Variants in EPN2 observed in about 807,000 individuals in gnomAD.
EPN2 encodes epsin 2.
In EPN2, 34 loss-of-function variants were observed where a neutral mutation model predicts 61.7. That is an observed-to-expected ratio of 0.55 (90% CI 0.42 to 0.73). EPN2 has a LOEUF of 0.73. Ranked by LOEUF, EPN2 falls within the 30% of genes least tolerant of loss-of-function variation. EPN2 has a pLI of 0.00. For missense variants in EPN2, 714 were observed against 839.2 expected (o/e 0.85, Z 1.84); for synonymous variants, 349 against 353.6 (o/e 0.99, Z 0.15).
intron 7 of EPN2, among the ~76,000 whole-genome samples, chr17:19,320,940 A>C (rs1598021089): frequency 6.6e-6 from 1 of 151,960 alleles, no homozygotes; most frequent in Admixed American, 6.5e-5. Context: ...GATGGAGCAC[A>C]CCCTCTGTGT....
At chr17:19,264,692 A>G (rs1382701355) in intron 1 of EPN2, among the ~76,000 whole-genome samples, 2 of 152,072 alleles carry the variant, frequency 1.3e-5, no homozygotes, top group African/African-American at 4.8e-5. Context: ...GGGTGTAGAG[A>G]GGATCAGAGA....
Position 19,313,295 on chromosome 17 carries a change from C to T in EPN2, c.1147+16C>T, listed in dbSNP as rs1217645890. 2.6e-6 allele frequency: 4 copies of T among 1,509,502 alleles called. No individual in the cohort carries two copies. Among genetic ancestry groups the T allele is most frequent in the Non-Finnish European group, 3.5e-6 (4 of 1,131,384 alleles). 93.5% of individuals were successfully genotyped at this position (1,509,502 alleles called of 1,614,324 possible). On this transcript the variant is annotated intron_variant, in intron 7 of 10. Coordinates refer to ENST00000314728, the MANE Select transcript of EPN2 (RefSeq NM_014964.5). ...CCATCGTTTGGTAAAGACCCCATTA[C>T]TGGTCTCCCGTGCTTGCCTGCTGGA...
chr17:19,286,114 A>G (rs938864665), intron 4 of EPN2, among the ~76,000 whole-genome samples: 1 of 152,216 alleles, frequency 6.6e-6, no homozygotes, highest in Admixed American at 6.5e-5. Context: ...TCTGCCACCT[A>G]TCAGGCCCAC....
At chr17:19,281,707 A>G (rs896520074) in intron 1 of EPN2, among the ~76,000 whole-genome samples, 3 of 152,072 alleles carry the variant, frequency 2.0e-5, no homozygotes, top group Non-Finnish European at 4.4e-5. Context: ...AGTGGGAAAA[A>G]TAATCCTTCC....
chr17:19,315,645 C>A (rs1310138561), intron 7 of EPN2, among the ~76,000 whole-genome samples: 2 of 152,096 alleles, frequency 1.3e-5, no homozygotes, highest in Non-Finnish European at 2.9e-5. Flanking sequence ...TGCCACCACA[C>A]CAACTAGTTT....
intron 4 of EPN2, among the ~76,000 whole-genome samples, chr17:19,288,033 C>T (rs2045422655): frequency 6.6e-6 from 1 of 152,256 alleles, no homozygotes; most frequent in Non-Finnish European, 1.5e-5. Context: ...CCTCCATCTT[C>T]ATAAAGGATG....
At chr17:19,314,073 C>T (rs971443020) in intron 7 of EPN2, among the ~76,000 whole-genome samples, 3 of 152,296 alleles carry the variant, frequency 2.0e-5, no homozygotes, top group Middle Eastern at 3.4e-3. Flanking sequence ...CTCTCAGAAC[C>T]GTCTCTTGTG....
At chr17:19,319,436 TGACTCA>T in intron 7 of EPN2, among the ~76,000 whole-genome samples, 2 of 151,498 alleles carry the variant, frequency 1.3e-5, no homozygotes, top group East Asian at 4.0e-4. Context: ...GCAATTCTCC[TGACTCA>T]GCCTCAGCCT....
At chr17:19,297,001 A>T (rs1244101143) in intron 4 of EPN2, 3 of 152,214 alleles carry the variant, frequency 2.0e-5, no homozygotes, top group African/African-American at 7.2e-5. Context: ...TTGTCTTGTG[A>T]CATTGAAACA....
At position 19,285,672 on chromosome 17, in the gene EPN2, G is replaced by T; in HGVS notation, c.648G>T (p.Gln216His). ...PQHRTGAPLG[Q>H]SEELQPLSQR... ...ACCGCACAGGGGCCCCGCTGGGTCA[G>T]AGTGAGGAGCTGCAGCCACTGAGCC... The change falls in exon 4 of 11, where the codon CAG becomes CAT. Residue 216 changes from glutamine to histidine, a missense_variant. Physicochemically the swap from Gln to His is conservative, Grantham distance 24. Coordinates refer to ENST00000314728, the MANE Select transcript of EPN2 (RefSeq NM_014964.5). This position sits in a 1 kb window ranked among gnomAD's most constrained non-coding sequence, Gnocchi z 4.5. 6.3e-7 allele frequency: 1 copy of T among 1,578,742 alleles called. No individual in the cohort carries two copies. The highest frequency in any genetic ancestry group is 8.6e-7 in the Non-Finnish European group (1 of 1,163,454).
At chr17:19,247,740 T>A (rs2044968945) in intron 1 of EPN2, among the ~76,000 whole-genome samples, 2 of 151,934 alleles carry the variant, frequency 1.3e-5, no homozygotes, top group African/African-American at 4.8e-5. Context: ...CCACCTCAAG[T>A]GTTTGAGAAG....
At chr17:19,332,172 G>T (rs932387967) in intron 10 of EPN2, 104 bp downstream of exon 10, 9 of 838,218 alleles carry the variant, frequency 1.1e-5, no homozygotes, top group Non-Finnish European at 1.3e-5. Flanking sequence ...GGAAGGGGTG[G>T]GACTAGCTGG....
chr17:19,308,890 C>G (rs915025930), intron 4 of EPN2, among the ~76,000 whole-genome samples: 2 of 152,208 alleles, frequency 1.3e-5, no homozygotes, highest in African/African-American at 2.4e-5. Context: ...TGTTAAGACT[C>G]CCGTGGGGTT....
In EPN2 at chr17:19,276,773, G is replaced by GTTTTTTTTTTTTT. The variant is rs80078595; in HGVS notation, c.-293-5176_-293-5164dup. Reference sequence around the variant, plus strand: ...GTCAGTATGTAATTTATGAGAATAAGTTTTTTTTTTTTTTTTTTGCTGTAT... The same window carrying GTTTTTTTTTTTTT: ...GTCAGTATGTAATTTATGAGAATAAGTTTTTTTTTTTTTTTTTTTTTTTTTTTTTTTGCTGTAT... On this transcript the variant is annotated intron_variant, in intron 1 of 10. Coordinates refer to ENST00000314728, the MANE Select transcript of EPN2 (RefSeq NM_014964.5). 2.9e-3 allele frequency among the ~76,000 whole-genome samples: 344 copies of GTTTTTTTTTTTTT among 119,230 alleles called. 12 individuals are homozygous for GTTTTTTTTTTTTT. The highest frequency in any genetic ancestry group is 0.013 in the African/African-American group (311 of 24,032). 78.2% of individuals were successfully genotyped at this position (119,230 alleles called of 152,430 possible).
At chr17:19,267,808 C>T (rs750709255) in intron 1 of EPN2, among the ~76,000 whole-genome samples, 4 of 151,966 alleles carry the variant, frequency 2.6e-5, no homozygotes, top group African/African-American at 7.3e-5. Flanking sequence ...CCCAAAGTGC[C>T]GGGATTACAG....
At chr17:19,318,549 C>CAAAAAAAAAAAAAA (rs58660254) in intron 7 of EPN2, among the ~76,000 whole-genome samples, 1,704 of 24,692 alleles carry the variant, frequency 0.069, 467 homozygotes, top group African/African-American at 0.2. Context: ...GACTCCATCT[C>CAAAAAAAAAAAAAA]AAAAAAAAAA....
intron 1 of EPN2, among the ~76,000 whole-genome samples, chr17:19,265,761 C>T (rs1320760639): frequency 6.6e-6 from 1 of 152,218 alleles, no homozygotes; most frequent in Non-Finnish European, 1.5e-5. Flanking sequence ...TTTTCATTCT[C>T]CTCCAGGCCT....
intron 7 of EPN2, among the ~76,000 whole-genome samples, chr17:19,317,473 C>T (rs1008508170): frequency 6.6e-6 from 1 of 152,174 alleles, no homozygotes; most frequent in Non-Finnish European, 1.5e-5. Flanking sequence ...TTCTTGGTGA[C>T]CTCTGCACGG....
chr17:19,291,283 C>T (rs1376515398), intron 4 of EPN2, among the ~76,000 whole-genome samples: 2 of 152,340 alleles, frequency 1.3e-5, no homozygotes, highest in Middle Eastern at 3.4e-3. Context: ...CATTGTCCTG[C>T]GGCATCACCC....
Sources: allele counts gnomAD v4.1 joint callset (sites outside exome capture counted in the v4.1 genomes callset), GRCh38; gene constraint gnomAD v4.1.1; non-coding constraint Gnocchi (gnomAD v3.1); transcripts MANE v1.5; gene names NCBI Gene and HGNC (gene_info 2026-07-23, HGNC 2026-07-21).